The following SLC5A9 variants were observed in gnomAD, a reference collection of about 807,000 sequenced individuals.
SLC5A9 encodes sodium/glucose cotransporter 4.
SLC5A9 carries 59 observed loss-of-function variants against 70.9 expected under a neutral mutation model. That is an observed-to-expected ratio of 0.83 (90% CI 0.68 to 1.03). The LOEUF (loss-of-function observed/expected upper bound fraction) is 1.03. Ranked by LOEUF, SLC5A9 falls within the 50% of genes least tolerant of loss-of-function variation. The probability of loss-of-function intolerance (pLI) is 0.00; values close to 1 mark genes in which losing one functional copy is unlikely to be tolerated. For synonymous variants in SLC5A9, 340 were observed against 346.5 expected, an observed-to-expected ratio of 0.98 and a Z score of 0.21; for missense variants, 832 against 881.1, an observed-to-expected ratio of 0.94 and a Z score of 0.71.
Position 48,244,828 on chromosome 1 carries a change from A to ATATAAATTATATTTATAT in SLC5A9, c.1837+2216_1837+2217insAATTATATTTATATTATA, listed in dbSNP as rs1374901560. On this transcript the variant is annotated intron_variant, in intron 13 of 13. Transcript: ENST00000438567. ...TATATATAAATTATATTTATATTAT[A>ATATAAATTATATTTATAT]TATATAAATTATATATATAAAACCT... Among the ~76,000 whole-genome samples the ATATAAATTATATTTATAT allele has an allele frequency of 2.2e-4, 27 of 123,162 alleles. 1 individual carries two copies. Among genetic ancestry groups the ATATAAATTATATTTATAT allele is most frequent in the African/African-American group, 8.4e-4 (27 of 32,182 alleles). 80.8% of individuals were successfully genotyped at this position (123,162 alleles called of 152,430 possible).
chr1:48,229,216 G>GCACAT, intron 3 of SLC5A9, 79 bp from the exon 4 acceptor site: 1 of 1,614,158 alleles, frequency 6.2e-7, no homozygotes, highest in Non-Finnish European at 8.5e-7. Flanking sequence ...CCACAGCACA[G>GCACAT]CACTGCCTCT....
intron 2 of SLC5A9, among the ~76,000 whole-genome samples, chr1:48,225,257 A>C (rs531896736): frequency 2.0e-5 from 3 of 152,204 alleles, no homozygotes; most frequent in African/African-American, 7.2e-5. Context: ...ATTGAAGAAC[A>C]GTTAAGTTAA....
At chr1:48,238,107 C>CAAT (rs1644352200) in intron 11 of SLC5A9, among the ~76,000 whole-genome samples, 5 of 152,136 alleles carry the variant, frequency 3.3e-5, no homozygotes, top group Admixed American at 2.6e-4. Context: ...ACTGAATAAA[C>CAAT]AATAGTTACA....
At chr1:48,227,053 G>T (rs1399299018) in intron 2 of SLC5A9, among the ~76,000 whole-genome samples, 1 of 151,838 alleles carries the variant, frequency 6.6e-6, no homozygotes. Context: ...TGTGTGCTTT[G>T]CGAATGTATG....
intron 2 of SLC5A9, among the ~76,000 whole-genome samples, chr1:48,225,923 T>C (rs1427872250): frequency 6.6e-6 from 1 of 152,042 alleles, no homozygotes; most frequent in Non-Finnish European, 1.5e-5. Context: ...TTCACGCCTC[T>C]CCCCACCCTT....
chr1:48,222,815 CTGGACTCCAGAG>C lies in SLC5A9; in HGVS notation c.81_92del (p.Asp28_Val31del), dbSNP rs772484250. On this transcript the variant is annotated inframe_deletion, in exon 1 of 14. Coordinates refer to ENST00000438567, the MANE Select transcript of SLC5A9 (RefSeq NM_001011547.3). ...GACTGAGACAGCTCCACACATAGCA[CTGGACTCCAGAG>C]TTGGTCTGCACGCCTACGACATCAG... is the stretch of plus-strand genomic sequence containing the variant. 2.2e-4 allele frequency: 363 copies of C among 1,614,150 alleles called. No individual in the cohort carries two copies. The highest frequency in any genetic ancestry group is 6.6e-4 in the Middle Eastern group (4 of 6,062).
chr1:48,229,578 A>G (rs2148569394), intron 4 of SLC5A9, 119 bp downstream of exon 4: 1 of 1,501,124 alleles, frequency 6.7e-7, no homozygotes, highest in South Asian at 1.3e-5. Flanking sequence ...AAAAAAGGAA[A>G]GCAGGACCTA....
At chr1:48,226,653 TGGGAGGCTGA>T (rs1340302221) in intron 2 of SLC5A9, among the ~76,000 whole-genome samples, 1 of 152,202 alleles carries the variant, frequency 6.6e-6, no homozygotes, top group Non-Finnish European at 1.5e-5. Context: ...GTGTGGGGCT[TGGGAGGCTGA>T]GAGCAGAAGG....
At chr1:48,245,492 T>C (rs1214370211) in intron 13 of SLC5A9, among the ~76,000 whole-genome samples, 1 of 151,922 alleles carries the variant, frequency 6.6e-6, no homozygotes, top group African/African-American at 2.4e-5. Flanking sequence ...CCTACCCCCC[T>C]TCACAGACCA....
At position 48,232,478 on chromosome 1, in the gene SLC5A9, A is replaced by C. The variant is rs144494090; in HGVS notation, c.1009A>C (p.Met337Leu). Residue 337 changes from methionine (M) to leucine (L), a missense_variant, in exon 8 of 14, where the codon ATG becomes CTG. Met to Leu is a conservative substitution (Grantham distance 15). Transcript: ENST00000438567. ...CATGTTCTTCATCGTCATGCCTGGC[A>C]TGATCAGCCGGGCCCTGTTCCCAGG... ...LPMFFIVMPGMISRALFPDEV... is the reference protein window; with the variant it reads ...LPMFFIVMPGLISRALFPDEV... The C allele has an allele frequency of 3.2e-5, 51 of 1,614,082 alleles. No individual in the cohort carries two copies. Among genetic ancestry groups the C allele is most frequent in the Non-Finnish European group, 4.2e-5 (49 of 1,180,036 alleles).
chr1:48,237,935 A>G, intron 11 of SLC5A9, 88 bp downstream of exon 11: 4 of 1,383,694 alleles, frequency 2.9e-6, no homozygotes, highest in South Asian at 1.4e-5. Flanking sequence ...CCTTGAGAAA[A>G]TCCACTTCCC....
Position 48,235,819 on chromosome 1 carries a change from T to C in SLC5A9, c.1232T>C (p.Ile411Thr), listed in dbSNP as rs947707023. The change falls in exon 10 of 14, where the codon ATT (isoleucine) becomes ACT (threonine). Residue 411 changes from isoleucine to threonine, a missense_variant. Coordinates refer to ENST00000438567, the MANE Select transcript of SLC5A9 (RefSeq NM_001011547.3). ...AACAGCAGCAGCACCCTGTTCACCA[T>C]TGATGTGTGGCAGCGCTTCCGCAGG... ...IFNSSSTLFT[I>T]DVWQRFRRKS... is the part of the protein sequence containing the mutation. 8.7e-6 allele frequency: 14 copies of C among 1,614,072 alleles called. No homozygotes were observed. Among genetic ancestry groups the C allele is most frequent in the African/African-American group, 5.3e-5 (4 of 74,912 alleles).
intron 10 of SLC5A9, 149 bp downstream of exon 10, chr1:48,236,028 A>G: frequency 1.2e-6 from 1 of 854,148 alleles, no homozygotes; most frequent in Non-Finnish European, 1.8e-6. Flanking sequence ...GATTTCAAGT[A>G]AGTCCTTCGC....
In SLC5A9 at chr1:48,232,286, A is replaced by T; in HGVS notation, c.898-81A>T. ...ACTGGACTGGAGTAGGGACACAGTC[A>T]TGCCCAGTGTCAGGGCTCACCTGTG... is the stretch of plus-strand genomic sequence containing the variant. On this transcript the variant is annotated intron_variant, in intron 7 of 13. Coordinates refer to ENST00000438567, the MANE Select transcript of SLC5A9 (RefSeq NM_001011547.3). 2.5e-6 allele frequency: 4 copies of T among 1,573,940 alleles called. No homozygotes were observed. In the South Asian group the frequency reaches 4.7e-5, roughly 19 times the overall value.
intron 2 of SLC5A9, among the ~76,000 whole-genome samples, chr1:48,226,582 C>T (rs570196737): frequency 1.6e-4 from 25 of 152,232 alleles, no homozygotes; most frequent in Admixed American, 1.1e-3. Flanking sequence ...TCAGTCCCAC[C>T]AGCACTGCTG....
At chr1:48,237,127 A>G (rs946579156) in intron 10 of SLC5A9, among the ~76,000 whole-genome samples, 3 of 152,142 alleles carry the variant, frequency 2.0e-5, no homozygotes, top group African/African-American at 7.2e-5. Context: ...AAAATCATAC[A>G]TGCAGAATGC....
chr1:48,229,133 G>A lies in SLC5A9; in HGVS notation c.340-162G>A, dbSNP rs765577154. 12 of 1,613,842 alleles carry A rather than the reference G, an allele frequency of 7.4e-6. No individual in the cohort carries two copies. The East Asian group carries it at 2.2e-4, about 30-fold the overall frequency. On this transcript the variant is annotated intron_variant, in intron 3 of 13. Coordinates refer to ENST00000438567, the MANE Select transcript of SLC5A9 (RefSeq NM_001011547.3). ...GAAATCAAGGTCTGGAGGAGACAGA[G>A]GGATCCATCCAAGGTCACACGGGAG...
intron 13 of SLC5A9, among the ~76,000 whole-genome samples, chr1:48,244,392 G>C (rs1233507441): frequency 1.3e-5 from 2 of 152,064 alleles, no homozygotes; most frequent in Admixed American, 1.3e-4. Flanking sequence ...ACCTGAGAAG[G>C]CTCCCACCTT....
At chr1:48,229,103 A>G (rs534165248) in intron 3 of SLC5A9, 149 bp downstream of exon 3, 2 of 1,614,130 alleles carry the variant, frequency 1.2e-6, no homozygotes, top group East Asian at 2.2e-5. Flanking sequence ...CATTTCACAG[A>G]TGAGGAAATC....
Sources: allele counts gnomAD v4.1 joint callset (sites outside exome capture counted in the v4.1 genomes callset), GRCh38; gene constraint gnomAD v4.1.1; transcripts MANE v1.5; gene names NCBI Gene and HGNC (gene_info 2026-07-23, HGNC 2026-07-21).